Variants in KIF13B observed in about 807,000 individuals in gnomAD.
KIF13B encodes kinesin family member 13B, also known as kinesin-like protein KIF13B.
In KIF13B, 127 loss-of-function variants were observed where a neutral mutation model predicts 222.0. That is an observed-to-expected ratio of 0.57 (90% CI 0.50 to 0.66). The LOEUF (loss-of-function observed/expected upper bound fraction) is 0.66, where lower values mean the gene tolerates loss of function less well. Among genes scored for constraint, KIF13B ranks in the 30% least tolerant of loss-of-function variants. KIF13B has a pLI of 0.00. For synonymous variants in KIF13B, 976 were observed against 919.0 expected (o/e 1.06, Z -1.12); for missense variants, 2,173 against 2,379.0 (o/e 0.91, Z 1.80).
intron 13 of KIF13B, among the ~76,000 whole-genome samples, chr8:29,158,177 T>C (rs1215943800): frequency 2.0e-5 from 3 of 152,204 alleles, no homozygotes; most frequent in Admixed American, 6.5e-5. Flanking sequence ...GAGCTCACAA[T>C]TGGAAAAAGC....
intron 28 of KIF13B, 44 bp downstream of exon 28, chr8:29,123,322 T>TG (rs1352633510): frequency 6.2e-7 from 1 of 1,600,900 alleles, no homozygotes; most frequent in Admixed American, 1.7e-5. Context: ...GCAAGTGGCT[T>TG]GGTGAGCGTT....
At chr8:29,242,582 C>G (rs933836811) in intron 2 of KIF13B, among the ~76,000 whole-genome samples, 1 of 152,174 alleles carries the variant, frequency 6.6e-6, no homozygotes, top group Non-Finnish European at 1.5e-5. Flanking sequence ...AGAAGTGCAG[C>G]TCTGCATGAG....
rs149490528 is a variant in KIF13B at position 29,072,611 on chromosome 8, T to C, written c.4522-295A>G. The stretch of plus-strand genomic sequence containing the variant: ...CACTTAGGGCTGCATGGCCCTGGCT[T>C]CCAAAGTGATAAAGGTTGAGGGGCC... On this transcript the variant is annotated intron_variant, in intron 38 of 39. Coordinates refer to ENST00000524189, the MANE Select transcript of KIF13B (RefSeq NM_015254.4). Among the ~76,000 whole-genome samples, 560 of 152,290 alleles carry C rather than the reference T, an allele frequency of 3.7e-3. 4 individuals are homozygous for C. Among genetic ancestry groups the C allele is most frequent in the Middle Eastern group, 0.01 (3 of 294 alleles).
rs1239170118 is a variant in KIF13B, at chr8:29,140,093, C to A, written c.2583G>T (p.Lys861Asn). 2 of 1,604,624 alleles carry A rather than the reference C, an allele frequency of 1.2e-6. No homozygotes were observed. Among genetic ancestry groups the A allele is most frequent in the African/African-American group, 1.3e-5 (1 of 74,726 alleles). The change falls in exon 21 of 40, where the codon AAG (lysine) becomes AAT (asparagine). Residue 861 changes from lysine to asparagine, a missense_variant. Transcript: ENST00000524189. Reference sequence around the variant, plus strand: ...ACACCAGTTTGTTCTCCTGGGTCTCCTTCTCAAAGGAGACCTCTGCCACCT... The same window carrying A: ...ACACCAGTTTGTTCTCCTGGGTCTCATTCTCAAAGGAGACCTCTGCCACCT... ...GDEVAEVSFE[K>N]ETQENKLVCM...
chr8:29,117,631 G>T (rs6420166), intron 30 of KIF13B, among the ~76,000 whole-genome samples: 128,690 of 152,088 alleles, frequency 0.85, 55,116 homozygotes, highest in Non-Finnish European at 0.91. Context: ...ATAGCCGCTG[G>T]GTGTGTCGGA....
intron 6 of KIF13B, among the ~76,000 whole-genome samples, chr8:29,184,889 T>A (rs1291535894): frequency 6.6e-6 from 1 of 152,052 alleles, no homozygotes; most frequent in Non-Finnish European, 1.5e-5. Context: ...TATACAGGGA[T>A]ATAATATTAA....
At chr8:29,245,496 A>G in intron 1 of KIF13B, 57 bp from the exon 2 acceptor site, 1 of 1,313,732 alleles carries the variant, frequency 7.6e-7, no homozygotes, top group East Asian at 2.5e-5. Context: ...ATTTCAGAAA[A>G]GGCAAAATTC....
intron 31 of KIF13B, among the ~76,000 whole-genome samples, chr8:29,114,593 AG>A (rs1368360816): frequency 6.6e-5 from 10 of 152,190 alleles, no homozygotes. Flanking sequence ...TGTGTGTATT[AG>A]GGTCATGTGG....
chr8:29,081,510 C>T (rs574211563), intron 37 of KIF13B, among the ~76,000 whole-genome samples: 1 of 152,128 alleles, frequency 6.6e-6, no homozygotes, highest in African/African-American at 2.4e-5. Flanking sequence ...CAAGTATTTC[C>T]GACGGAACTT....
chr8:29,101,660 C>CA (rs1298567514), intron 35 of KIF13B, among the ~76,000 whole-genome samples: 4 of 152,186 alleles, frequency 2.6e-5, no homozygotes, highest in Non-Finnish European at 1.5e-5. Flanking sequence ...GCGTGACAAA[C>CA]AGAGACACGG....
At chr8:29,208,817 C>T (rs749330080) in intron 2 of KIF13B, among the ~76,000 whole-genome samples, 1 of 152,188 alleles carries the variant, frequency 6.6e-6, no homozygotes, top group Non-Finnish European at 1.5e-5. Flanking sequence ...GCACCTAAGA[C>T]ATCCACTTCT....
At chr8:29,103,883 TCA>T (rs1808918747) in intron 35 of KIF13B, among the ~76,000 whole-genome samples, 1 of 152,130 alleles carries the variant, frequency 6.6e-6, no homozygotes, top group Non-Finnish European at 1.5e-5. Flanking sequence ...CTGTGAGACA[TCA>T]CAGTTACTTG....
intron 2 of KIF13B, among the ~76,000 whole-genome samples, chr8:29,224,456 G>A (rs1455760778): frequency 6.6e-6 from 1 of 152,294 alleles, no homozygotes; most frequent in East Asian, 1.9e-4. Flanking sequence ...CAACTTCAAA[G>A]TTGTGTTGAA....
chr8:29,249,504 C>G (rs1018899933), intron 1 of KIF13B, among the ~76,000 whole-genome samples: 1 of 151,356 alleles, frequency 6.6e-6, no homozygotes, highest in Non-Finnish European at 1.5e-5. Flanking sequence ...TGCTGTACTT[C>G]CTAAAGAACC....
chr8:29,133,546 G>T (rs1426025504), intron 22 of KIF13B, among the ~76,000 whole-genome samples: 1 of 152,146 alleles, frequency 6.6e-6, no homozygotes, highest in Non-Finnish European at 1.5e-5. Context: ...AGCCAAGATC[G>T]TGCCACTGCA....
intron 37 of KIF13B, among the ~76,000 whole-genome samples, chr8:29,084,252 C>T (rs530248939): frequency 6.6e-6 from 1 of 152,292 alleles, no homozygotes; most frequent in South Asian, 2.1e-4. Context: ...TGAACCTTTA[C>T]TTGAGACACA....
chr8:29,080,067 C>CT (rs1807732413), intron 37 of KIF13B, among the ~76,000 whole-genome samples: 1 of 152,168 alleles, frequency 6.6e-6, no homozygotes, highest in Admixed American at 6.5e-5. Flanking sequence ...ACACATTGTG[C>CT]AGTGGCTCTC....
chr8:29,109,015 C>T (rs947381444), intron 34 of KIF13B, among the ~76,000 whole-genome samples: 14 of 152,158 alleles, frequency 9.2e-5, no homozygotes, highest in East Asian at 1.9e-4. Flanking sequence ...ATGTATCTGA[C>T]GCATGGACAC....
At position 29,130,528 on chromosome 8, in the gene KIF13B, G is replaced by C. The variant is rs542380931; in HGVS notation, c.3075+5C>G. The C allele has an allele frequency of 1.9e-6, 3 of 1,613,636 alleles. No homozygotes were observed. Among genetic ancestry groups the C allele is most frequent in the Non-Finnish European group, 2.5e-6 (3 of 1,179,646 alleles). On this transcript the variant is annotated splice_donor_5th_base_variant and intron_variant, in intron 24 of 39. Transcript: ENST00000524189. ...ATCTAATGTAAACATTCACAATCTT[G>C]TTACCTGCCGGAGCTGGAAGATTCC...
Sources: allele counts gnomAD v4.1 joint callset (sites outside exome capture counted in the v4.1 genomes callset), GRCh38; gene constraint gnomAD v4.1.1; transcripts MANE v1.5; gene names NCBI Gene and HGNC (gene_info 2026-07-23, HGNC 2026-07-21).